Variants in WNT9B observed in about 807,000 individuals in gnomAD.
The protein encoded by WNT9B is Wnt family member 9B.
In WNT9B, 12 loss-of-function variants were observed where a neutral mutation model predicts 30.2. That is an observed-to-expected ratio of 0.40 (90% CI 0.26 to 0.64). The LOEUF is 0.64. Among genes scored for constraint, WNT9B ranks in the 30% least tolerant of loss-of-function variants. The pLI is 0.42. For synonymous variants in WNT9B, 218 were observed against 216.9 expected (o/e 1.01, Z -0.05); for missense variants, 442 against 485.2 (o/e 0.91, Z 0.84).
At chr17:46,848,445 T>G (rs550222540), upstream of WNT9B, among the ~76,000 whole-genome samples, 1 of 152,300 alleles carries the variant, frequency 6.6e-6, no homozygotes, top group South Asian at 2.1e-4. Context: ...GGCCAGCCCT[T>G]CAGGAGCCCA....
rs553448297 is a variant in WNT9B, at chr17:46,880,111, C to T, written c.*3393C>T. ...GGCCTGCATGTCCTCCTGCAGGCAG[C>T]TAGAGTGAGGGAGTCTAATGGACAG... On this transcript the variant is annotated 3_prime_UTR_variant, in exon 4 of 4. Transcript: ENST00000290015. 2.6e-5 allele frequency among the ~76,000 whole-genome samples: 4 copies of T among 152,354 alleles called. No individual in the cohort carries two copies. The South Asian group carries it at 8.3e-4, about 32-fold the overall frequency.
intron 1 of WNT9B, among the ~76,000 whole-genome samples, chr17:46,856,305 G>A (rs1420219411): frequency 6.6e-6 from 1 of 152,172 alleles, no homozygotes; most frequent in Non-Finnish European, 1.5e-5. Flanking sequence ...GGGCTGGATA[G>A]GGTGTCTGGC....
At chr17:46,835,778 T>C (rs1215728200) in intron 1 of WNT9B, among the ~76,000 whole-genome samples, 1 of 152,226 alleles carries the variant, frequency 6.6e-6, no homozygotes, top group Non-Finnish European at 1.5e-5. Context: ...TCCAGCTGGG[T>C]TGGAGGGAAG....
chr17:46,864,120 G>C (rs1354631152), intron 1 of WNT9B, among the ~76,000 whole-genome samples: 1 of 152,226 alleles, frequency 6.6e-6, no homozygotes, highest in Non-Finnish European at 1.5e-5. Context: ...GCCTGCCTGT[G>C]CGTGGGAAGA....
chr17:46,872,684 C>A lies in WNT9B; in HGVS notation c.245C>A (p.Ala82Glu), dbSNP rs779923395. The change falls in exon 2 of 4, where the codon GCG (alanine) becomes GAG (glutamate). Residue 82 changes from alanine to glutamate, a missense_variant. Transcript: ENST00000290015. ...PGLAETLRDA[A>E]HLGLLECQFQ... The stretch of plus-strand genomic sequence containing the variant: ...CTGGCTGAGACCCTGAGGGATGCTG[C>A]GCACCTCGGCCTGCTTGAGTGCCAG... 1.9e-6 allele frequency: 3 copies of A among 1,613,580 alleles called. No individual in the cohort carries two copies. The highest frequency in any genetic ancestry group is 2.5e-6 in the Non-Finnish European group (3 of 1,180,000).
chr17:46,876,820 A>G lies in WNT9B; in HGVS notation c.*102A>G, dbSNP rs1325362172. Reference sequence around the variant, plus strand: ...GGGCAGACTGTCATCACATGCATGCATAAACCGGCATGTGTGCCAATGCAC... The same window carrying G: ...GGGCAGACTGTCATCACATGCATGCGTAAACCGGCATGTGTGCCAATGCAC... On this transcript the variant is annotated 3_prime_UTR_variant, in exon 4 of 4. Transcript: ENST00000290015. 3 of 1,441,858 alleles carry G rather than the reference A, an allele frequency of 2.1e-6. No homozygotes were observed. Among genetic ancestry groups the G allele is most frequent in the Non-Finnish European group, 2.7e-6 (3 of 1,093,432 alleles). The allele number at this position is 1,441,858 out of a possible 1,614,324, so 89.3% of individuals were successfully genotyped here.
Position 46,876,384 on chromosome 17 carries a change from A to C in WNT9B, c.740A>C (p.Lys247Thr). Residue 247 changes from lysine (K) to threonine (T), a missense_variant, in exon 4 of 4, where the codon AAG becomes ACG. Transcript: ENST00000290015. ...AAACTGCGCTATGACTCGGCTGTCA[A>C]GGTGTCCAGTGCCACCAATGAGGCC... ...VLKLRYDSAV[K>T]VSSATNEALG... is the part of the protein sequence containing the mutation. 6.2e-7 allele frequency: 1 copy of C among 1,613,938 alleles called. No individual in the cohort carries two copies. The highest frequency in any genetic ancestry group is 8.5e-7 in the Non-Finnish European group (1 of 1,180,038).
chr17:46,862,728 G>A (rs1016150781), intron 1 of WNT9B, among the ~76,000 whole-genome samples: 11 of 152,212 alleles, frequency 7.2e-5, no homozygotes, highest in South Asian at 2.1e-4. Flanking sequence ...GACAACAGGC[G>A]TCTACCACCA....
chr17:46,884,381 C>G (rs1210402339), downstream of WNT9B, among the ~76,000 whole-genome samples: 2 of 152,220 alleles, frequency 1.3e-5, no homozygotes, highest in African/African-American at 2.4e-5. Flanking sequence ...CGCCCCACAC[C>G]CAGCCCCCTC....
downstream of WNT9B, among the ~76,000 whole-genome samples, chr17:46,884,789 G>A (rs1444826768): frequency 6.6e-6 from 1 of 152,196 alleles, no homozygotes; most frequent in Admixed American, 6.5e-5. Flanking sequence ...CCAGCTTTCA[G>A]ACCCAGTGAA....
At position 46,875,203 on chromosome 17, in the gene WNT9B, A is replaced by C; in HGVS notation, c.437A>C (p.Asp146Ala). Residue 146 changes from aspartate to alanine, a missense_variant, in exon 3 of 4, where the codon GAT becomes GCT. Asp to Ala is a moderately radical substitution (Grantham distance 126). Transcript: ENST00000290015. Reference sequence around the variant, plus strand: ...GGGCGCATGGAGCGCTGCACCTGTGATGACTCTCCGGGGCTGGAGAGCCGG... The same window carrying C: ...GGGCGCATGGAGCGCTGCACCTGTGCTGACTCTCCGGGGCTGGAGAGCCGG... ...SAGRMERCTC[D>A]DSPGLESRQA... The C allele has an allele frequency of 6.2e-7, 1 of 1,614,114 alleles. No homozygotes were observed.
intron 1 of WNT9B, among the ~76,000 whole-genome samples, chr17:46,845,587 T>C (rs1366925095): frequency 6.6e-6 from 1 of 150,916 alleles, no homozygotes; most frequent in Non-Finnish European, 1.5e-5. Flanking sequence ...CCTCCTGGGT[T>C]CAAACGATTT....
intron 1 of WNT9B, among the ~76,000 whole-genome samples, chr17:46,834,679 T>A (rs570298196): frequency 1.3e-5 from 2 of 152,238 alleles, no homozygotes; most frequent in South Asian, 4.1e-4. Flanking sequence ...CTGTCCTCTG[T>A]CACACCCCTC....
intron 1 of WNT9B, among the ~76,000 whole-genome samples, chr17:46,859,147 T>C (rs909174281): frequency 2.0e-5 from 3 of 152,076 alleles, no homozygotes; most frequent in Non-Finnish European, 4.4e-5. Context: ...TAGCTAATTT[T>C]GTATTTTTAG....
upstream of WNT9B, among the ~76,000 whole-genome samples, chr17:46,848,932 G>GCACACACA (rs60793746): frequency 0.1 from 15,146 of 146,208 alleles, 794 homozygotes; most frequent in Admixed American, 0.11. Flanking sequence ...GTGTGCACGT[G>GCACACACA]CACACACACA....
chr17:46,851,593 T>C lies in WNT9B; in HGVS notation c.-46T>C. On this transcript the variant is annotated 5_prime_UTR_variant, in exon 1 of 4. Transcript: ENST00000290015. The surrounding 1 kb of genome is among the most constrained non-coding windows in gnomAD (Gnocchi z 4.3). ...GGCGGGTGGTGGCGGAGCTGCGAGC[T>C]TGAGCGGCGCGAGGAGATGCTAGAG... 8.8e-7 allele frequency: 1 copy of C among 1,134,184 alleles called. No individual in the cohort carries two copies. Among genetic ancestry groups the C allele is most frequent in the Non-Finnish European group, 1.1e-6 (1 of 897,644 alleles). The allele number at this position is 1,134,184 out of a possible 1,614,324, so 70.3% of individuals were successfully genotyped here.
upstream of WNT9B, among the ~76,000 whole-genome samples, chr17:46,848,248 C>T (rs185618972): frequency 1.7e-3 from 264 of 152,234 alleles, 5 homozygotes; most frequent in Middle Eastern, 0.031. Context: ...CCATGGAGCC[C>T]GTGTCCGAGC....
At chr17:46,839,155 G>A (rs1458163059) in intron 1 of WNT9B, among the ~76,000 whole-genome samples, 5 of 152,248 alleles carry the variant, frequency 3.3e-5, no homozygotes, top group Non-Finnish European at 7.3e-5. Flanking sequence ...TGGGATTACA[G>A]GCGTGAGCCA....
At chr17:46,874,826 C>T in intron 2 of WNT9B, 1 of 582,880 alleles carries the variant, frequency 1.7e-6, no homozygotes, top group Non-Finnish European at 3.1e-6. Context: ...GATCCGCCCG[C>T]CTTGGCCTCC....
Sources: allele counts gnomAD v4.1 joint callset (sites outside exome capture counted in the v4.1 genomes callset), GRCh38; gene constraint gnomAD v4.1.1; non-coding constraint Gnocchi (gnomAD v3.1); transcripts MANE v1.5; gene names NCBI Gene and HGNC (gene_info 2026-07-23, HGNC 2026-07-21).